Variants in HGF observed in about 807,000 individuals in gnomAD.
HGF encodes fibroblast-derived tumor cytotoxic factor.
Under a neutral mutation model 111.6 loss-of-function variants are expected in HGF, and 39 were observed. That is an observed-to-expected ratio of 0.35 (90% CI 0.27 to 0.46). The LOEUF is 0.46. Among genes scored for constraint, HGF ranks in the 20% least tolerant of loss-of-function variants. HGF has a pLI of 1.00. For missense variants in HGF, 735 were observed against 910.5 expected (o/e 0.81, Z 2.48); for synonymous variants, 285 against 294.8 (o/e 0.97, Z 0.34).
intron 14 of HGF, 128 bp from the exon 15 acceptor site, chr7:81,706,555 A>C (rs927881141): frequency 1.5e-5 from 11 of 714,558 alleles, no homozygotes; most frequent in Non-Finnish European, 2.4e-5. Context: ...TTCATAGTAT[A>C]ATAAAGAACA....
At position 81,762,721 on chromosome 7, in the gene HGF, A is replaced by G; in HGVS notation, c.240T>C (p.Leu80=). Residue 80 remains leucine (L), a synonymous_variant, in exon 2 of 18, where the codon CTT becomes CTC. Coordinates refer to ENST00000222390, the MANE Select transcript of HGF (RefSeq NM_000601.6). ...CANRCTRNKG[L]PFTCKAFVFD... ...AAGTAACTTACTTGCAAGTGAATGG[A>G]AGTCCTTTATTCCTAGTACATCTAT... The G allele has an allele frequency of 6.2e-7, 1 of 1,612,572 alleles. No individual in the cohort carries two copies. The highest frequency in any genetic ancestry group is 8.5e-7 in the Non-Finnish European group (1 of 1,178,750).
At chr7:81,744,473 C>T (rs1178802099) in intron 6 of HGF, among the ~76,000 whole-genome samples, 1 of 152,128 alleles carries the variant, frequency 6.6e-6, no homozygotes, top group Non-Finnish European at 1.5e-5. Context: ...TTTTTACTCC[C>T]TATGACCACT....
At chr7:81,761,085 T>C (rs1257779812) in intron 2 of HGF, among the ~76,000 whole-genome samples, 1 of 152,142 alleles carries the variant, frequency 6.6e-6, no homozygotes, top group Non-Finnish European at 1.5e-5. Flanking sequence ...TCTCCTTCCC[T>C]TTTCCCTGCC....
At chr7:81,741,737 G>C (rs1001457673) in intron 7 of HGF, among the ~76,000 whole-genome samples, 1 of 151,808 alleles carries the variant, frequency 6.6e-6, no homozygotes, top group Non-Finnish European at 1.5e-5. Flanking sequence ...TCGGGAGTTC[G>C]AGACCAGCCT....
At chr7:81,730,241 G>C (rs1787601449) in intron 7 of HGF, among the ~76,000 whole-genome samples, 1 of 152,058 alleles carries the variant, frequency 6.6e-6, no homozygotes. Flanking sequence ...CTGAGGTCAG[G>C]AGTTTAAGAC....
chr7:81,755,434 C>T (rs1788715682), intron 4 of HGF: 1 of 152,060 alleles, frequency 6.6e-6, no homozygotes, highest in Non-Finnish European at 1.5e-5. Flanking sequence ...ACTGGATCCT[C>T]TCGGCCATAA....
intron 11 of HGF, among the ~76,000 whole-genome samples, chr7:81,711,930 C>G (rs1292833487): frequency 6.6e-6 from 1 of 152,162 alleles, no homozygotes; most frequent in Non-Finnish European, 1.5e-5. Context: ...AGGCATGAGC[C>G]ACCACACCTG....
chr7:81,720,615 C>G, intron 10 of HGF, 130 bp downstream of exon 10: 1 of 664,022 alleles, frequency 1.5e-6, no homozygotes, highest in Non-Finnish European at 2.7e-6. Context: ...TAAAGAAAAA[C>G]CAATCTAATG....
At chr7:81,745,170 A>G (rs1243533789) in intron 5 of HGF, 50 bp from the exon 6 acceptor site, 1 of 1,597,218 alleles carries the variant, frequency 6.3e-7, no homozygotes, top group Non-Finnish European at 8.6e-7. Flanking sequence ...AGCAAAATCA[A>G]AAACACCACT....
Position 81,756,276 on chromosome 7 carries a change from G to C in HGF, c.482+913C>G, listed in dbSNP as rs5745642. 7.8e-3 allele frequency: 4,095 copies of C among 523,682 alleles called. 81 individuals carry two copies. Among genetic ancestry groups the C allele is most frequent in the African/African-American group, 0.048 (2,434 of 51,198 alleles). The allele number at this position is 523,682 out of a possible 1,614,324, so 32.4% of individuals were successfully genotyped here. On this transcript the variant is annotated intron_variant, in intron 4 of 17. Coordinates refer to ENST00000222390, the MANE Select transcript of HGF (RefSeq NM_000601.6). ...AATAGAACCAATAAAACTACCCGCT[G>C]TGTGGTTCTCATTACAAGTAAATGA...
intron 7 of HGF, among the ~76,000 whole-genome samples, chr7:81,740,859 C>A (rs780838444): frequency 1.3e-5 from 2 of 152,070 alleles, no homozygotes; most frequent in Non-Finnish European, 2.9e-5. Context: ...CTTTTGAGAC[C>A]CTAGCAAGGA....
At chr7:81,766,007 C>G (rs913836900) in intron 1 of HGF, among the ~76,000 whole-genome samples, 1 of 152,162 alleles carries the variant, frequency 6.6e-6, no homozygotes, top group Admixed American at 6.5e-5. Context: ...CCTTTTTCCT[C>G]TTCTCCCAGT....
At chr7:81,727,682 C>A (rs1210733353) in intron 8 of HGF, among the ~76,000 whole-genome samples, 2 of 152,128 alleles carry the variant, frequency 1.3e-5, no homozygotes, top group African/African-American at 4.8e-5. Context: ...GATGGAGTCA[C>A]CCTTTGTTGC....
intron 1 of HGF, among the ~76,000 whole-genome samples, chr7:81,768,192 A>G (rs908175020): frequency 6.6e-6 from 1 of 152,190 alleles, no homozygotes; most frequent in African/African-American, 2.4e-5. Flanking sequence ...GACACTGCCT[A>G]CGGTTGATCT....
chr7:81,703,547 T>G (rs1322302578), intron 17 of HGF, among the ~76,000 whole-genome samples: 1 of 149,506 alleles, frequency 6.7e-6, no homozygotes, highest in Non-Finnish European at 1.5e-5. Flanking sequence ...TCATTTATGG[T>G]TTTATTTATT....
At chr7:81,761,318 G>T (rs1392646295) in intron 2 of HGF, among the ~76,000 whole-genome samples, 3 of 152,118 alleles carry the variant, frequency 2.0e-5, no homozygotes, top group East Asian at 1.9e-4. Flanking sequence ...CCGGAAATTG[G>T]CAGTTTCACT....
At chr7:81,763,015 T>C in intron 1 of HGF, 143 bp from the exon 2 acceptor site, 2 of 624,858 alleles carry the variant, frequency 3.2e-6, no homozygotes, top group East Asian at 2.7e-5. Flanking sequence ...AGGAGCAGAG[T>C]GAGGTAGGGA....
intron 11 of HGF, among the ~76,000 whole-genome samples, chr7:81,711,865 A>G (rs1789579818): frequency 1.3e-5 from 2 of 152,234 alleles, no homozygotes; most frequent in South Asian, 4.1e-4. Flanking sequence ...GCTGGTCTCA[A>G]ACTCCTGACC....
chr7:81,715,626 T>C (rs1583928894), intron 11 of HGF, among the ~76,000 whole-genome samples: 1 of 152,132 alleles, frequency 6.6e-6, no homozygotes, highest in Non-Finnish European at 1.5e-5. Flanking sequence ...GTCTTAATTA[T>C]AGGTAGACTT....
Sources: gnomAD v4.1 joint callset for allele counts (sites outside exome capture counted in the v4.1 genomes callset) on GRCh38, gnomAD v4.1.1 for gene constraint, MANE v1.5 for transcripts, NCBI Gene and HGNC (gene_info 2026-07-23, HGNC 2026-07-21) for gene names.